AOX1: variants seen among roughly 807,000 people sequenced by gnomAD.
AOX1 encodes the protein aldehyde oxidase.
Under a neutral mutation model 169.5 loss-of-function variants are expected in AOX1, and 153 were observed. The ratio of observed to expected loss-of-function variants is 0.90; its 90% CI spans 0.79 to 1.03. AOX1 has a LOEUF of 1.03. AOX1 is among the 50% of genes least tolerant of loss of function. The pLI, the probability that AOX1 is intolerant of heterozygous loss-of-function variation, is 0.00. For missense variants in AOX1, 1,656 were observed against 1,663.9 expected (o/e 1.00, Z 0.08); for synonymous variants, 562 against 581.9 (o/e 0.97, Z 0.49).
chr2:200,593,771 A>C (rs1292675936), intron 2 of AOX1, among the ~76,000 whole-genome samples: 2 of 152,174 alleles, frequency 1.3e-5, no homozygotes, highest in African/African-American at 4.8e-5. Context: ...GAGAGAGTAA[A>C]ATTACCAAAA....
At position 200,612,753 on chromosome 2, in the gene AOX1, A is replaced by G; in HGVS notation, c.1408A>G (p.Thr470Ala). 4.3e-6 allele frequency: 7 copies of G among 1,614,056 alleles called. No individual in the cohort carries two copies. Among genetic ancestry groups the G allele is most frequent in the Non-Finnish European group, 5.9e-6 (7 of 1,179,964 alleles). ...CTCATATGGAGGCGTTGGTCCAGCC[A>G]CCATCTGTGCCAAGAATTCCTGCCA... is the stretch of plus-strand genomic sequence containing the variant. ...CISYGGVGPA[T>A]ICAKNSCQKL... The change falls in exon 14 of 35, where the codon ACC (threonine) becomes GCC (alanine). Residue 470 changes from threonine (T) to alanine (A), a missense_variant. Coordinates refer to ENST00000374700, the MANE Select transcript of AOX1 (RefSeq NM_001159.4).
At chr2:200,656,791 T>C (rs369194588) in intron 26 of AOX1, 51 bp from the exon 27 acceptor site, 59 of 1,276,608 alleles carry the variant, frequency 4.6e-5, no homozygotes, top group Non-Finnish European at 6.1e-5. Context: ...TGACACGATA[T>C]GTGATAATAT....
At chr2:200,610,175 G>A (rs1421607108) in intron 12 of AOX1, among the ~76,000 whole-genome samples, 1 of 151,692 alleles carries the variant, frequency 6.6e-6, no homozygotes, top group African/African-American at 2.4e-5. Flanking sequence ...GGGTTCAAGC[G>A]ATTCTCCTGC....
intron 23 of AOX1, 49 bp from the exon 24 acceptor site, chr2:200,641,049 G>T (rs1376732449): frequency 7.1e-7 from 1 of 1,412,698 alleles, no homozygotes; most frequent in Non-Finnish European, 1.0e-6. Context: ...ACAAAATTTG[G>T]AGAGACTTGG....
intron 4 of AOX1, among the ~76,000 whole-genome samples, chr2:200,598,235 T>G (rs1332805543): frequency 6.6e-6 from 1 of 152,082 alleles, no homozygotes; most frequent in Non-Finnish European, 1.5e-5. Flanking sequence ...TTATTTTTTT[T>G]TATAAAGTGG....
chr2:200,658,417 T>G (rs760656858), intron 27 of AOX1, among the ~76,000 whole-genome samples: 1 of 152,228 alleles, frequency 6.6e-6, no homozygotes, highest in Non-Finnish European at 1.5e-5. Context: ...AGTGTTTTCC[T>G]TATTGGATCA....
chr2:200,619,247 T>C (rs1233266590), intron 16 of AOX1, among the ~76,000 whole-genome samples: 1 of 152,152 alleles, frequency 6.6e-6, no homozygotes, highest in Non-Finnish European at 1.5e-5. Flanking sequence ...TAGCCTGGCA[T>C]TGTAAGGCTC....
At chr2:200,635,037 AG>A in intron 21 of AOX1, 122 bp downstream of exon 21, 1 of 1,180,066 alleles carries the variant, frequency 8.5e-7, no homozygotes, top group Non-Finnish European at 1.2e-6. Flanking sequence ...GCTTGAACCC[AG>A]GAGCTCAAGG....
At chr2:200,611,608 T>G in intron 13 of AOX1, 115 bp downstream of exon 13, 1 of 712,090 alleles carries the variant, frequency 1.4e-6, no homozygotes, top group Non-Finnish European at 2.5e-6. Flanking sequence ...AGATAAAGGC[T>G]CAACTTCAGG....
Position 200,661,596 on chromosome 2 carries a change from T to G in AOX1, c.3393T>G (p.Asp1131Glu), listed in dbSNP as rs1327111171. ...TWKDWAQTAF[D>E]ESINLSAVGY... ...CTTCACAGGCACAGACTGCTTTTGA[T>G]GAAAGCATTAACCTTTCAGCTGTTG... The change falls in exon 30 of 35, where the codon GAT becomes GAG. Residue 1131 changes from aspartate (D) to glutamate (E), a missense_variant. Physicochemically the swap from Asp to Glu is conservative, Grantham distance 45 (BLOSUM62 2). Coordinates refer to ENST00000374700, the MANE Select transcript of AOX1 (RefSeq NM_001159.4). The G allele has an allele frequency of 6.2e-7, 1 of 1,613,434 alleles. No individual in the cohort carries two copies. The highest frequency in any genetic ancestry group is 8.5e-7 in the Non-Finnish European group (1 of 1,179,468).
chr2:200,639,763 G>A (rs1200084279), intron 23 of AOX1, among the ~76,000 whole-genome samples: 2 of 152,084 alleles, frequency 1.3e-5, no homozygotes, highest in Admixed American at 6.6e-5. Flanking sequence ...GGCCAGGCAC[G>A]GTGGCTCAGG....
In AOX1 at chr2:200,659,786, TCACACACACACACACACACA is replaced by T. The variant is rs56916091; in HGVS notation, c.3301-189_3301-170del. Among the ~76,000 whole-genome samples, 843 of 96,212 alleles carry T rather than the reference TCACACACACACACACACACA, an allele frequency of 8.8e-3. 9 individuals are homozygous for T. The highest frequency in any genetic ancestry group is 0.031 in the African/African-American group (821 of 26,858). The allele number at this position is 96,212 out of a possible 152,430, so 63.1% of individuals were successfully genotyped here. ...TGGCTTACAAGGCCAGTTCTCTCTC[TCACACACACACACACACACA>T]CACACACACACACACACACGTGCAC... On this transcript the variant is annotated intron_variant, in intron 28 of 34. Coordinates refer to ENST00000374700, the MANE Select transcript of AOX1 (RefSeq NM_001159.4).
chr2:200,673,050 G>C (rs192349486), downstream of AOX1, among the ~76,000 whole-genome samples: 174 of 152,314 alleles, frequency 1.1e-3, 1 homozygote, highest in African/African-American at 3.9e-3. Flanking sequence ...TGCTTCTGTT[G>C]CAAAGGATTA....
intron 16 of AOX1, among the ~76,000 whole-genome samples, chr2:200,618,480 C>T (rs920551803): frequency 6.6e-6 from 1 of 152,066 alleles, no homozygotes; most frequent in Non-Finnish European, 1.5e-5. Flanking sequence ...AGTTGTCAGC[C>T]ACAATTTGGT....
At chr2:200,616,100 T>A in intron 16 of AOX1, 37 bp downstream of exon 16, 1 of 1,455,544 alleles carries the variant, frequency 6.9e-7, no homozygotes, top group Non-Finnish European at 9.6e-7. Context: ...ATTCACAATC[T>A]GGGCTATAGT....
chr2:200,625,908 T>C (rs2034991283), intron 19 of AOX1, among the ~76,000 whole-genome samples: 1 of 152,216 alleles, frequency 6.6e-6, no homozygotes, highest in Non-Finnish European at 1.5e-5. Flanking sequence ...GCACATGCTT[T>C]TCGAGTTTTT....
rs1454580267 is a variant in AOX1, at chr2:200,611,433, T to C, written c.1203T>C (p.Pro401=). Residue 401 remains proline (P), a synonymous_variant, in exon 13 of 35, where the codon CCT becomes CCC. Transcript: ENST00000374700. ...PLNEQFLSKC[P]NADLKPQEIL... is the part of the protein sequence containing the mutation. ...ATGAGCAATTCCTCAGCAAGTGCCC[T>C]AATGCAGATCTTAAGCCTCAAGAAA... The C allele has an allele frequency of 6.2e-7, 1 of 1,614,054 alleles. No individual in the cohort carries two copies. Among genetic ancestry groups the C allele is most frequent in the Non-Finnish European group, 8.5e-7 (1 of 1,179,940 alleles).
intron 5 of AOX1, 90 bp downstream of exon 5, chr2:200,599,836 GGGC>G: frequency 8.9e-7 from 1 of 1,125,698 alleles, no homozygotes; most frequent in Non-Finnish European, 1.1e-6. Flanking sequence ...CCGGGCTGGA[GGGC>G]GGCGGCGCAA....
chr2:200,674,753 T>G (rs573626435), downstream of AOX1, among the ~76,000 whole-genome samples: 93 of 152,266 alleles, frequency 6.1e-4, no homozygotes, highest in Non-Finnish European at 7.4e-5. Flanking sequence ...AGACCAAAAC[T>G]GGTCCTCAAT....
Sources: gnomAD v4.1 joint callset for allele counts (sites outside exome capture counted in the v4.1 genomes callset) on GRCh38, gnomAD v4.1.1 for gene constraint, MANE v1.5 for transcripts, NCBI Gene and HGNC (gene_info 2026-07-23, HGNC 2026-07-21) for gene names.